RGS6: variants seen among roughly 807,000 people sequenced by gnomAD.
RGS6 encodes regulator of G-protein signaling 6.
RGS6 carries 30 observed loss-of-function variants against 78.5 expected under a neutral mutation model. That is an observed-to-expected ratio of 0.38 (90% CI 0.29 to 0.52). The LOEUF (loss-of-function observed/expected upper bound fraction) is 0.52. Among genes scored for constraint, RGS6 ranks in the 20% least tolerant of loss-of-function variants. The pLI, the probability that RGS6 is intolerant of heterozygous loss-of-function variation, is 0.85. For missense variants in RGS6, 495 were observed against 609.7 expected (o/e 0.81, Z 1.98); for synonymous variants, 206 against 206.0 (o/e 1.00, Z 0.00).
chr14:72,138,394 T>C (rs2153606494), intron 2 of RGS6, among the ~76,000 whole-genome samples: 1 of 151,684 alleles, frequency 6.6e-6, no homozygotes, highest in African/African-American at 2.4e-5. Context: ...GGTAGAATTA[T>C]ATTTGCATCC....
chr14:72,454,490 C>G, intron 3 of RGS6, 38 bp from the exon 4 acceptor site: 1 of 1,600,894 alleles, frequency 6.2e-7, no homozygotes, highest in East Asian at 2.2e-5. Context: ...TGTTAAACAC[C>G]CAGGAGGTCT....
the RGS6 span, among the ~76,000 whole-genome samples, chr14:71,903,097 A>G: frequency 6.6e-6 from 1 of 152,238 alleles, no homozygotes; most frequent in East Asian, 1.9e-4. Context: ...TGTTGAAAAG[A>G]ACTCCAGGAA....
intron 3 of RGS6, among the ~76,000 whole-genome samples, chr14:72,440,286 C>T (rs951663347): frequency 6.6e-6 from 1 of 152,188 alleles, no homozygotes; most frequent in African/African-American, 2.4e-5. Flanking sequence ...TTCTCCCTCC[C>T]CTGGGCTCTG....
chr14:72,150,498 A>G (rs774626291), intron 2 of RGS6, among the ~76,000 whole-genome samples: 1 of 152,150 alleles, frequency 6.6e-6, no homozygotes, highest in Non-Finnish European at 1.5e-5. Context: ...TCACACTGCT[A>G]TAAAAAATTA....
intron 2 of RGS6, among the ~76,000 whole-genome samples, chr14:72,349,097 G>A (rs1164452395): frequency 6.6e-6 from 1 of 152,146 alleles, no homozygotes; most frequent in Non-Finnish European, 1.5e-5. Flanking sequence ...AACCTGGGAG[G>A]TAGAGCTTGC....
the RGS6 span, among the ~76,000 whole-genome samples, chr14:71,878,228 G>A: frequency 6.6e-6 from 1 of 152,222 alleles, no homozygotes; most frequent in African/African-American, 2.4e-5. Flanking sequence ...GGACGTTTAA[G>A]TCTGCAGAAG....
chr14:72,386,125 G>C (rs960323228), intron 3 of RGS6, among the ~76,000 whole-genome samples: 1 of 152,090 alleles, frequency 6.6e-6, no homozygotes, highest in Non-Finnish European at 1.5e-5. Flanking sequence ...GGCAGCAAAG[G>C]TTGAATGTCT....
the RGS6 span, among the ~76,000 whole-genome samples, chr14:71,925,495 GC>G: frequency 6.6e-6 from 1 of 152,226 alleles, no homozygotes; most frequent in South Asian, 2.1e-4. Context: ...ATGTCAAGGA[GC>G]TTTCCCCCTA....
intron 2 of RGS6, among the ~76,000 whole-genome samples, chr14:72,195,880 G>A (rs1599267972): frequency 1.3e-5 from 2 of 152,220 alleles, no homozygotes; most frequent in African/African-American, 2.4e-5. Context: ...AAGGCAGTGG[G>A]TACAGATCGC....
chr14:72,376,867 C>G (rs1478607502), intron 3 of RGS6, among the ~76,000 whole-genome samples: 1 of 152,058 alleles, frequency 6.6e-6, no homozygotes, highest in Non-Finnish European at 1.5e-5. Flanking sequence ...AGACAATAAC[C>G]ACTGTCATGA....
At chr14:72,423,230 G>A (rs74636403) in intron 3 of RGS6, among the ~76,000 whole-genome samples, 4 of 152,168 alleles carry the variant, frequency 2.6e-5, no homozygotes, top group East Asian at 1.9e-4. Flanking sequence ...AGACAAAGTC[G>A]TGAAATAGAC....
At chr14:72,023,993 C>G (rs773525370) in intron 2 of RGS6, among the ~76,000 whole-genome samples, 1 of 152,136 alleles carries the variant, frequency 6.6e-6, no homozygotes, top group Non-Finnish European at 1.5e-5. Flanking sequence ...CAGAAGTGCT[C>G]GCGACAATGA....
At chr14:72,493,532 A>T (rs2096605950) in intron 12 of RGS6, among the ~76,000 whole-genome samples, 1 of 152,176 alleles carries the variant, frequency 6.6e-6, no homozygotes, top group Admixed American at 6.5e-5. Context: ...CAAACAAAGG[A>T]AACAAAGGGT....
At chr14:72,586,710 G>A in the RGS6 span, among the ~76,000 whole-genome samples, 3,487 of 152,130 alleles carry the variant, frequency 0.023, 53 homozygotes, top group Middle Eastern at 0.058. Context: ...ACTTCATCCC[G>A]AAACATCTTG....
the RGS6 span, among the ~76,000 whole-genome samples, chr14:72,625,853 C>T: frequency 1.3e-5 from 2 of 152,100 alleles, no homozygotes; most frequent in African/African-American, 2.4e-5. Context: ...CTTTTTCTGA[C>T]TTTGAGAAAC....
chr14:72,392,655 C>T (rs2090281118), intron 3 of RGS6, among the ~76,000 whole-genome samples: 1 of 152,172 alleles, frequency 6.6e-6, no homozygotes, highest in Non-Finnish European at 1.5e-5. Flanking sequence ...CACATGTAAG[C>T]ATCTCTTGTG....
chr14:72,024,878 C>G (rs1358610055), intron 2 of RGS6, among the ~76,000 whole-genome samples: 1 of 152,180 alleles, frequency 6.6e-6, no homozygotes, highest in Non-Finnish European at 1.5e-5. Context: ...GAATGTGAAG[C>G]AATGTCCTAT....
chr14:72,550,384 T>C (rs2153530808), intron 17 of RGS6: 1 of 1,277,228 alleles, frequency 7.8e-7, no homozygotes, highest in East Asian at 2.5e-5. Flanking sequence ...GGAGAACCAT[T>C]CCACACCATG....
chr14:72,202,454 A>C (rs1316964222), intron 2 of RGS6, among the ~76,000 whole-genome samples: 2 of 152,196 alleles, frequency 1.3e-5, no homozygotes, highest in Non-Finnish European at 2.9e-5. Context: ...GCATTTGAGC[A>C]GCTCCCGTTC....
Sources: allele counts gnomAD v4.1 joint callset (sites outside exome capture counted in the v4.1 genomes callset), GRCh38; gene constraint gnomAD v4.1.1; transcripts MANE v1.5; gene names NCBI Gene and HGNC (gene_info 2026-07-23, HGNC 2026-07-21).